The following LARS1 variants were observed in gnomAD, a reference collection of about 807,000 sequenced individuals.
LARS1 encodes leucyl-tRNA synthetase 1.
In LARS1, 100 loss-of-function variants were observed where a neutral mutation model predicts 162.8. The ratio of observed to expected loss-of-function variants is 0.61; its 90% CI spans 0.52 to 0.73. The LOEUF (loss-of-function observed/expected upper bound fraction) is 0.73, where lower values mean the gene tolerates loss of function less well. LARS1 is among the 30% of genes least tolerant of loss of function. The pLI, the probability that LARS1 is intolerant of heterozygous loss-of-function variation, is 0.00. For missense variants in LARS1, 1,258 were observed against 1,408.9 expected, an observed-to-expected ratio of 0.89 and a Z score of 1.71; for synonymous variants, 457 against 462.8, an observed-to-expected ratio of 0.99 and a Z score of 0.16.
chr5:146,150,735 C>T (rs762258453), intron 14 of LARS1, among the ~76,000 whole-genome samples: 2 of 151,648 alleles, frequency 1.3e-5, no homozygotes, highest in Admixed American at 1.3e-4. Context: ...GTCAGGAGTT[C>T]GAGACCAGTC....
chr5:146,133,621 T>C (rs148246716), intron 22 of LARS1, among the ~76,000 whole-genome samples: 16 of 148,442 alleles, frequency 1.1e-4, no homozygotes, highest in African/African-American at 3.3e-4. Flanking sequence ...TTCTAAAATA[T>C]TGAAAAAAAG....
intron 28 of LARS1, among the ~76,000 whole-genome samples, chr5:146,125,152 T>A (rs1319692260): frequency 6.6e-6 from 1 of 152,058 alleles, no homozygotes; most frequent in East Asian, 1.9e-4. Flanking sequence ...TGGATCCACA[T>A]GTTGACAGAG....
intron 31 of LARS1, 123 bp from the exon 32 acceptor site, chr5:146,114,434 A>G (rs1764109194): frequency 2.8e-5 from 22 of 799,456 alleles, no homozygotes; most frequent in Non-Finnish European, 4.3e-5. Context: ...TTTTCTTCAG[A>G]TTATTAAATA....
chr5:146,134,301 T>A (rs905561975), intron 22 of LARS1, among the ~76,000 whole-genome samples: 1 of 152,246 alleles, frequency 6.6e-6, no homozygotes, highest in African/African-American at 2.4e-5. Context: ...GAGGCAGAGG[T>A]TCTCATTATC....
At chr5:146,170,785 AG>A (rs1235301052) in intron 4 of LARS1, among the ~76,000 whole-genome samples, 5 of 151,622 alleles carry the variant, frequency 3.3e-5, no homozygotes, top group Non-Finnish European at 4.4e-5. Flanking sequence ...ACCTGAGGTC[AG>A]GAGTTTGAAA....
rs1435034495 is a variant in LARS1, at chr5:146,182,471, T to C, written c.6+17A>G. On this transcript the variant is annotated intron_variant, in intron 1 of 31. Coordinates refer to ENST00000394434, the MANE Select transcript of LARS1 (RefSeq NM_020117.11). ...CCGGCTCCAGGGCCCCTGCGGATTC[T>C]TCTCGCTCAAACTCACCGCCATTGC... The C allele has an allele frequency of 1.9e-6, 3 of 1,613,922 alleles. No homozygotes were observed. The South Asian group carries it at 3.3e-5, about 18-fold the overall frequency.
intron 10 of LARS1, among the ~76,000 whole-genome samples, chr5:146,155,153 G>A (rs562780060): frequency 1.1e-4 from 17 of 151,984 alleles, no homozygotes; most frequent in South Asian, 2.1e-4. Context: ...TGCCCGTCCC[G>A]GAAAAATAAT....
At chr5:146,130,843 T>C (rs1752244111) in intron 24 of LARS1, 176 bp downstream of exon 24, 1 of 450,430 alleles carries the variant, frequency 2.2e-6, no homozygotes, top group African/African-American at 2.0e-5. Flanking sequence ...ATAGAAAAAA[T>C]ACCAAAGATA....
chr5:146,151,803 T>A lies in LARS1; in HGVS notation c.1425+59A>T. The A allele has an allele frequency of 2.1e-6, 3 of 1,458,136 alleles. No homozygotes were observed. The South Asian group carries it at 3.7e-5, about 18-fold the overall frequency. The allele number at this position is 1,458,136 out of a possible 1,614,324, so 90.3% of individuals were successfully genotyped here. Reference sequence around the variant, plus strand: ...TAAATTTTTCTACATTTTTTCTAATTAAGAAAATCACAGAGCATGGAGTAA... The same window carrying A: ...TAAATTTTTCTACATTTTTTCTAATAAAGAAAATCACAGAGCATGGAGTAA... On this transcript the variant is annotated intron_variant, in intron 14 of 31. Transcript: ENST00000394434.
At chr5:146,178,342 G>A (rs145454432) in intron 1 of LARS1, among the ~76,000 whole-genome samples, 31 of 152,118 alleles carry the variant, frequency 2.0e-4, no homozygotes, top group African/African-American at 7.0e-4. Context: ...GGCTGGACAC[G>A]GTGGCTCACG....
intron 30 of LARS1, among the ~76,000 whole-genome samples, chr5:146,121,583 T>A (rs560531192): frequency 6.6e-6 from 1 of 152,068 alleles, no homozygotes; most frequent in East Asian, 1.9e-4. Flanking sequence ...ACCCAAATGC[T>A]CATCAATGAT....
At chr5:146,152,943 A>C (rs1333266448) in intron 13 of LARS1, among the ~76,000 whole-genome samples, 1 of 152,226 alleles carries the variant, frequency 6.6e-6, no homozygotes, top group Non-Finnish European at 1.5e-5. Flanking sequence ...GGTGATGCTA[A>C]AAAGCTATTT....
At chr5:146,130,722 T>C in intron 24 of LARS1, 1 of 246,412 alleles carries the variant, frequency 4.1e-6, no homozygotes, top group Non-Finnish European at 7.6e-6. Context: ...TTTGTTTTTA[T>C]CAATTTTGAA....
intron 31 of LARS1, among the ~76,000 whole-genome samples, chr5:146,118,596 G>A (rs750955548): frequency 1.1e-4 from 16 of 152,164 alleles, no homozygotes; most frequent in Non-Finnish European, 2.4e-4. Flanking sequence ...ATTACACATT[G>A]TAAATATGTA....
rs752120042 is a variant in LARS1 at position 146,157,810 on chromosome 5, G to A, written c.772-15C>T. ...GGTCCAACACCCTAAGCAAATAAAC[G>A]ATACAAAAATTTGAAGGAAAAAAAA... is the stretch of plus-strand genomic sequence containing the variant. On this transcript the variant is annotated splice_polypyrimidine_tract_variant and intron_variant, in intron 8 of 31. Coordinates refer to ENST00000394434, the MANE Select transcript of LARS1 (RefSeq NM_020117.11). 3.0e-5 allele frequency: 48 copies of A among 1,612,058 alleles called. 1 individual carries two copies. In the South Asian group the frequency reaches 3.2e-4, roughly 11 times the overall value.
chr5:146,162,442 T>C (rs6871866), intron 6 of LARS1, among the ~76,000 whole-genome samples: 13,313 of 152,096 alleles, frequency 0.088, 717 homozygotes, highest in African/African-American at 0.15. Flanking sequence ...TCCTGAGCAG[T>C]AGGTCTCAAG....
At position 146,124,359 on chromosome 5, in the gene LARS1, C is replaced by T. The variant is rs552242743; in HGVS notation, c.2992-273G>A. On this transcript the variant is annotated intron_variant, in intron 28 of 31. Coordinates refer to ENST00000394434, the MANE Select transcript of LARS1 (RefSeq NM_020117.11). ...GGTTTTCAGATTTATAAAATAAATACGGTTTTATGATTGTTTATTTAGACT... is the reference window on the plus strand; with the variant it reads ...GGTTTTCAGATTTATAAAATAAATATGGTTTTATGATTGTTTATTTAGACT... Among the ~76,000 whole-genome samples, 13 of 151,784 alleles carry T rather than the reference C, an allele frequency of 8.6e-5. No individual in the cohort carries two copies. The South Asian group carries it at 1.7e-3, about 19-fold the overall frequency.
intron 23 of LARS1, chr5:146,131,548 G>A (rs1752284625): frequency 7.0e-6 from 1 of 143,400 alleles, no homozygotes. Context: ...CTAGAATGCA[G>A]TGGTATGATC....
In LARS1 at chr5:146,149,611, C is replaced by T. The variant is rs1425445534; in HGVS notation, c.1503+11G>A. The stretch of plus-strand genomic sequence containing the variant: ...TCTAAAACAGCCTTCAGAGCATAGC[C>T]TATCACATACAGCGTCAATCATCTT... On this transcript the variant is annotated intron_variant, in intron 15 of 31. Transcript: ENST00000394434. 1 of 1,597,606 alleles carries T rather than the reference C, an allele frequency of 6.3e-7. No homozygotes were observed. Among genetic ancestry groups the T allele is most frequent in the Non-Finnish European group, 8.6e-7 (1 of 1,165,102 alleles).
Sources: allele counts gnomAD v4.1 joint callset (sites outside exome capture counted in the v4.1 genomes callset), GRCh38; gene constraint gnomAD v4.1.1; transcripts MANE v1.5; gene names NCBI Gene and HGNC (gene_info 2026-07-23, HGNC 2026-07-21).